Variants in AK5 observed in about 807,000 individuals in gnomAD.
AK5 encodes the protein adenylate kinase isoenzyme 5.
Under a neutral mutation model 69.5 loss-of-function variants are expected in AK5, and 27 were observed. The ratio of observed to expected loss-of-function variants is 0.39; its 90% CI spans 0.29 to 0.54. The LOEUF is 0.54. AK5 is among the 20% of genes least tolerant of loss of function. AK5 has a pLI of 0.71. For missense variants in AK5, 531 were observed against 700.4 expected, an observed-to-expected ratio of 0.76 and a Z score of 2.73; for synonymous variants, 260 against 244.4, an observed-to-expected ratio of 1.06 and a Z score of -0.60.
intron 6 of AK5, among the ~76,000 whole-genome samples, chr1:77,380,136 G>A (rs923446383): frequency 6.6e-6 from 1 of 152,108 alleles, no homozygotes; most frequent in African/African-American, 2.4e-5. Context: ...TTTCTCTTTG[G>A]CATCCTCCTC....
At chr1:77,286,699 T>G (rs1658371869) in intron 1 of AK5, among the ~76,000 whole-genome samples, 1 of 151,846 alleles carries the variant, frequency 6.6e-6, no homozygotes, top group Admixed American at 6.6e-5. Flanking sequence ...ATACAAAAAG[T>G]AGCTGGGCAT....
chr1:77,466,774 G>C (rs1274331284), intron 8 of AK5, among the ~76,000 whole-genome samples: 2 of 152,094 alleles, frequency 1.3e-5, no homozygotes, highest in East Asian at 3.9e-4. Context: ...TTTTTAAGAG[G>C]GCTCTGCCCT....
chr1:77,477,844 T>C (rs1402966004), intron 8 of AK5, among the ~76,000 whole-genome samples: 2 of 152,292 alleles, frequency 1.3e-5, no homozygotes, highest in African/African-American at 4.8e-5. Context: ...GAAACACACA[T>C]GCTGGTTAAT....
rs950297766 is a variant in AK5, at chr1:77,361,701, G to A, written c.891+21133G>A. ...CCTCACGATAATGGCAGAAGGCAAA[G>A]AGGAGCAAGTCACATCTTATGTGGA... On this transcript the variant is annotated intron_variant, in intron 6 of 13. Transcript: ENST00000354567. Among the ~76,000 whole-genome samples the A allele has an allele frequency of 1.1e-4, 16 of 152,200 alleles. 1 individual carries two copies. The South Asian group carries it at 2.1e-3, about 20-fold the overall frequency.
intron 6 of AK5, among the ~76,000 whole-genome samples, chr1:77,350,327 A>G (rs1177922623): frequency 6.6e-6 from 1 of 152,220 alleles, no homozygotes. Context: ...ACCCAGAAAT[A>G]GGAAAGAAGG....
intron 8 of AK5, among the ~76,000 whole-genome samples, chr1:77,429,779 A>G (rs1197341314): frequency 6.6e-6 from 1 of 152,172 alleles, no homozygotes; most frequent in Non-Finnish European, 1.5e-5. Context: ...TCTTGAATTG[A>G]GATCTGTAAG....
intron 10 of AK5, among the ~76,000 whole-genome samples, chr1:77,501,545 A>G (rs950820319): frequency 6.6e-6 from 1 of 152,248 alleles, no homozygotes; most frequent in Non-Finnish European, 1.5e-5. Context: ...GTATAAATAC[A>G]TAATAACACC....
chr1:77,432,160 C>A (rs11162342), intron 8 of AK5, among the ~76,000 whole-genome samples: 16,566 of 152,038 alleles, frequency 0.11, 1,021 homozygotes, highest in South Asian at 0.17. Context: ...TTCACATTTC[C>A]CCCCTTTTGA....
intron 13 of AK5, among the ~76,000 whole-genome samples, chr1:77,540,946 A>G (rs6603953): frequency 0.7 from 105,680 of 151,520 alleles, 37,547 homozygotes; most frequent in Non-Finnish European, 0.77. Flanking sequence ...TCGCTCTGTC[A>G]CCCAGGCTGG....
intron 8 of AK5, among the ~76,000 whole-genome samples, chr1:77,442,354 G>A (rs560783888): frequency 2.6e-5 from 4 of 152,336 alleles, no homozygotes; most frequent in African/African-American, 9.6e-5. Context: ...TCCTTCTCTA[G>A]AGGGAAGAGA....
At chr1:77,532,682 G>C (rs1287502221) in intron 12 of AK5, among the ~76,000 whole-genome samples, 1 of 152,224 alleles carries the variant, frequency 6.6e-6, no homozygotes, top group Non-Finnish European at 1.5e-5. Flanking sequence ...CTGAAATGTT[G>C]CTGATGGCAT....
At chr1:77,410,924 A>T in intron 6 of AK5, 57 bp from the exon 7 acceptor site, 1 of 1,364,100 alleles carries the variant, frequency 7.3e-7, no homozygotes, top group Non-Finnish European at 1.0e-6. Context: ...TATATTTTTG[A>T]ATTAACTAAT....
chr1:77,317,936 G>A (rs371560793), intron 5 of AK5, among the ~76,000 whole-genome samples: 3 of 152,172 alleles, frequency 2.0e-5, no homozygotes, highest in African/African-American at 4.8e-5. Context: ...AAACACATTA[G>A]CATGCAAACT....
At chr1:77,482,110 C>CT (rs1211979589) in intron 8 of AK5, among the ~76,000 whole-genome samples, 2 of 152,042 alleles carry the variant, frequency 1.3e-5, no homozygotes, top group Non-Finnish European at 2.9e-5. Flanking sequence ...AAGTATAATG[C>CT]TTTTGTATAA....
At chr1:77,416,649 GGACATACCCC>G (rs765265568) in intron 7 of AK5, among the ~76,000 whole-genome samples, 6 of 152,106 alleles carry the variant, frequency 3.9e-5, no homozygotes, top group Non-Finnish European at 7.4e-5. Context: ...GACTGTGTAA[GGACATACCCC>G]GACTCATTTG....
intron 6 of AK5, among the ~76,000 whole-genome samples, chr1:77,373,726 A>C (rs889174274): frequency 9.9e-6 from 1 of 100,594 alleles, no homozygotes; most frequent in Non-Finnish European, 2.3e-5. Context: ...ACTCCATCTC[A>C]AAAAAGAAAA....
At chr1:77,298,307 T>G (rs1461393711) in intron 5 of AK5, among the ~76,000 whole-genome samples, 1 of 152,152 alleles carries the variant, frequency 6.6e-6, no homozygotes, top group East Asian at 1.9e-4. Context: ...TGTACTTATA[T>G]TCATGCCAAC....
intron 6 of AK5, among the ~76,000 whole-genome samples, chr1:77,349,787 A>G (rs1002680370): frequency 2.0e-5 from 3 of 152,174 alleles, no homozygotes; most frequent in Non-Finnish European, 4.4e-5. Flanking sequence ...CTATACTACT[A>G]TCTCTTTCTT....
intron 8 of AK5, among the ~76,000 whole-genome samples, chr1:77,425,676 GATAAA>G (rs1210838411): frequency 1.3e-5 from 2 of 152,224 alleles, no homozygotes; most frequent in Non-Finnish European, 2.9e-5. Context: ...AATAAGTGAA[GATAAA>G]ATAAAGAAAT....
Sources: gnomAD v4.1 joint callset for allele counts (sites outside exome capture counted in the v4.1 genomes callset) on GRCh38, gnomAD v4.1.1 for gene constraint, MANE v1.5 for transcripts, NCBI Gene and HGNC (gene_info 2026-07-23, HGNC 2026-07-21) for gene names.